USPL1: variants seen among roughly 807,000 people sequenced by gnomAD.
USPL1 encodes the protein SUMO-specific isopeptidase USPL1.
In USPL1, 27 loss-of-function variants were observed where a neutral mutation model predicts 51.5. The ratio of observed to expected loss-of-function variants is 0.52; its 90% CI spans 0.39 to 0.72. USPL1 has a LOEUF of 0.72. USPL1 is among the 30% of genes least tolerant of loss of function. The pLI is 0.00. For synonymous variants in USPL1, 451 were observed against 459.6 expected (o/e 0.98, Z 0.24); for missense variants, 1,226 against 1,268.0 (o/e 0.97, Z 0.50).
chr13:30,627,897 T>C (rs1271163845), intron 3 of USPL1, among the ~76,000 whole-genome samples: 1 of 151,950 alleles, frequency 6.6e-6, no homozygotes, highest in Non-Finnish European at 1.5e-5. Flanking sequence ...TTTTTTTTCT[T>C]TTGAGATGGA....
chr13:30,631,223 G>T lies in USPL1; in HGVS notation c.617G>T (p.Cys206Phe). 6.2e-7 allele frequency: 1 copy of T among 1,614,166 alleles called. No individual in the cohort carries two copies. The highest frequency in any genetic ancestry group is 8.5e-7 in the Non-Finnish European group (1 of 1,180,034). ...TGRPSPQNEG[C>F]TSKLEMPLES... ...AGACCTTCCCCTCAAAATGAAGGAT[G>T]TACATCTAAACTGGAAATGCCACTG... Residue 206 changes from cysteine to phenylalanine, a missense_variant, in exon 4 of 9, where the codon TGT becomes TTT. Transcript: ENST00000255304.
chr13:30,633,992 A>G (rs1329521066), intron 4 of USPL1, among the ~76,000 whole-genome samples: 2 of 152,140 alleles, frequency 1.3e-5, no homozygotes, highest in South Asian at 4.1e-4. Context: ...TCGCAGTTTC[A>G]TGGATAAGAG....
At position 30,660,130 on chromosome 13, in the gene USPL1, T is replaced by C. The variant is rs1951238131; in HGVS notation, c.*774T>C. 6.6e-6 allele frequency: 1 copy of C among 152,308 alleles called. No homozygotes were observed. The highest frequency in any genetic ancestry group is 2.4e-5 in the African/African-American group (1 of 41,460). 9.4% of individuals were successfully genotyped at this position (152,308 alleles called of 1,614,324 possible). A position where few individuals can be genotyped will look rare whatever the true frequency, so the allele number is the denominator to read the frequency against. ...AGCAGAGAGGGTAGCTCCTCCCTGT[T>C]GCTGGTCGTCCCACCCTCTGCTCAG... On this transcript the variant is annotated 3_prime_UTR_variant, in exon 9 of 9. Coordinates refer to ENST00000255304, the MANE Select transcript of USPL1 (RefSeq NM_005800.5).
Position 30,660,391 on chromosome 13 carries a change from AG to A in USPL1, c.*1037del, listed in dbSNP as rs1244582633. 1 of 152,286 alleles carries A rather than the reference AG, an allele frequency of 6.6e-6. No homozygotes were observed. The highest frequency in any genetic ancestry group is 6.5e-5 in the Admixed American group (1 of 15,288). 9.4% of individuals were successfully genotyped at this position (152,286 alleles called of 1,614,324 possible). A position where few individuals can be genotyped will look rare whatever the true frequency, so the allele number is the denominator to read the frequency against. On this transcript the variant is annotated 3_prime_UTR_variant, in exon 9 of 9. Coordinates refer to ENST00000255304, the MANE Select transcript of USPL1 (RefSeq NM_005800.5). ...CAAGCACTTCCGAGCCTGCAAAAGC[AG>A]GCCCCCAAAAGTGCAGGGATGCCTG...
Position 30,657,786 on chromosome 13 carries a change from A to G in USPL1, c.1709A>G (p.Asp570Gly), listed in dbSNP as rs753335412. The change falls in exon 9 of 9, where the codon GAT (aspartate) becomes GGT (glycine). Residue 570 changes from aspartate (D) to glycine (G), a missense_variant. Physicochemically the swap from Asp to Gly is moderately conservative, Grantham distance 94. Coordinates refer to ENST00000255304, the MANE Select transcript of USPL1 (RefSeq NM_005800.5). ...CAGGACACAGCTGTAACTCATGGAG[A>G]TCATTTACTTTCAGGTCCAAAAGGT... Reference protein sequence around the residue: ...LSQDTAVTHGDHLLSGPKGLV... With the variant: ...LSQDTAVTHGGHLLSGPKGLV... 11 of 1,614,106 alleles carry G rather than the reference A, an allele frequency of 6.8e-6. No homozygotes were observed. In the South Asian group the frequency reaches 1.2e-4, roughly 18 times the overall value.
intron 2 of USPL1, 133 bp downstream of exon 2, chr13:30,621,372 C>T (rs1342972429): frequency 6.4e-6 from 4 of 628,434 alleles, no homozygotes; most frequent in Non-Finnish European, 8.0e-6. Context: ...ACAGTAATGG[C>T]GAAAGATTGT....
chr13:30,633,866 G>A (rs1330921413), intron 4 of USPL1, among the ~76,000 whole-genome samples: 1 of 150,574 alleles, frequency 6.6e-6, no homozygotes, highest in African/African-American at 2.4e-5. Context: ...TTCTGATCGT[G>A]TCTTCCACCC....
intron 7 of USPL1, among the ~76,000 whole-genome samples, chr13:30,651,914 C>T (rs753152476): frequency 2.0e-5 from 3 of 151,962 alleles, no homozygotes; most frequent in African/African-American, 4.8e-5. Context: ...TGAGATTGCA[C>T]CACTGCACTC....
chr13:30,639,939 A>G (rs187533763), intron 5 of USPL1, among the ~76,000 whole-genome samples: 3 of 152,230 alleles, frequency 2.0e-5, no homozygotes, highest in Non-Finnish European at 2.9e-5. Flanking sequence ...CACCTCCGCC[A>G]TGGGCCTGGT....
At chr13:30,647,736 T>C (rs1951036676) in intron 7 of USPL1, among the ~76,000 whole-genome samples, 1 of 152,206 alleles carries the variant, frequency 6.6e-6, no homozygotes, top group Admixed American at 6.5e-5. Flanking sequence ...AGGAAATGTT[T>C]TGAGGTCTAA....
chr13:30,649,792 C>G (rs988071003), intron 7 of USPL1, among the ~76,000 whole-genome samples: 2 of 152,174 alleles, frequency 1.3e-5, no homozygotes, highest in African/African-American at 4.8e-5. Context: ...ATTTTCTTTT[C>G]TTTTCCTAAG....
At chr13:30,650,045 A>G (rs1000915868) in intron 7 of USPL1, among the ~76,000 whole-genome samples, 1 of 152,126 alleles carries the variant, frequency 6.6e-6, no homozygotes, top group African/African-American at 2.4e-5. Context: ...TTTAGTAGAG[A>G]TGGGGTTTCA....
chr13:30,625,081 A>G (rs1212368059), intron 3 of USPL1, among the ~76,000 whole-genome samples: 1 of 152,172 alleles, frequency 6.6e-6, no homozygotes, highest in Non-Finnish European at 1.5e-5. Flanking sequence ...AGAAAGGAAA[A>G]AAAGCTTTTT....
intron 5 of USPL1, among the ~76,000 whole-genome samples, chr13:30,639,222 G>GTATATATA (rs61182649): frequency 3.2e-4 from 46 of 144,428 alleles, no homozygotes; most frequent in African/African-American, 1.1e-3. Flanking sequence ...CTCAAAAAAT[G>GTATATATA]TATATATATA....
intron 4 of USPL1, among the ~76,000 whole-genome samples, chr13:30,631,918 T>TTG (rs1293524891): frequency 6.6e-6 from 1 of 152,156 alleles, no homozygotes; most frequent in East Asian, 1.9e-4. Context: ...ATCACGAAGC[T>TTG]TGAGATAATA....
intron 6 of USPL1, among the ~76,000 whole-genome samples, chr13:30,646,546 T>G (rs1324983932): frequency 6.6e-6 from 1 of 152,216 alleles, no homozygotes; most frequent in Non-Finnish European, 1.5e-5. Context: ...TTTTCCCCCT[T>G]GGGACATTTG....
intron 3 of USPL1, among the ~76,000 whole-genome samples, chr13:30,625,905 A>G (rs1950709090): frequency 6.6e-6 from 1 of 152,196 alleles, no homozygotes. Flanking sequence ...GTACTTTATG[A>G]AGTAGATTGG....
chr13:30,641,504 A>G (rs1593379064), intron 5 of USPL1, among the ~76,000 whole-genome samples: 1 of 152,358 alleles, frequency 6.6e-6, no homozygotes, highest in Non-Finnish European at 1.5e-5. Flanking sequence ...GGAAGGACTC[A>G]GTCTCTTGGG....
intron 7 of USPL1, among the ~76,000 whole-genome samples, chr13:30,648,336 T>G (rs1566057665): frequency 6.6e-6 from 1 of 152,208 alleles, no homozygotes; most frequent in African/African-American, 2.4e-5. Flanking sequence ...ACTCTGTTCC[T>G]CTCCCCTTTT....
Sources: allele counts gnomAD v4.1 joint callset (sites outside exome capture counted in the v4.1 genomes callset), GRCh38; gene constraint gnomAD v4.1.1; transcripts MANE v1.5; gene names NCBI Gene and HGNC (gene_info 2026-07-23, HGNC 2026-07-21).